GSE1: variants seen among roughly 807,000 people sequenced by gnomAD.
GSE1 encodes the protein Gse1 coiled-coil protein, also known as genetic suppressor element 1.
In GSE1, 32 loss-of-function variants were observed where a neutral mutation model predicts 112.6. The observed-to-expected ratio is 0.28, with a 90% confidence interval of 0.21 to 0.38. GSE1 has a LOEUF of 0.38. GSE1 is among the 10% of genes least tolerant of loss of function. The pLI, the probability that GSE1 is intolerant of heterozygous loss-of-function variation, is 1.00. For missense variants in GSE1, 2,348 were observed against 1,699.2 expected (o/e 1.38, Z -6.71); for synonymous variants, 1,115 against 735.6 (o/e 1.52, Z -8.35).
chr16:85,494,974 G>A (rs906925794), intron 2 of GSE1, among the ~76,000 whole-genome samples: 20 of 150,954 alleles, frequency 1.3e-4, no homozygotes, highest in Non-Finnish European at 3.0e-5. Flanking sequence ...GGGCTGTGGA[G>A]AGGTCAACCA....
intron 1 of GSE1, among the ~76,000 whole-genome samples, chr16:85,236,058 G>T (rs1904628627): frequency 6.6e-6 from 1 of 152,062 alleles, no homozygotes; most frequent in South Asian, 2.1e-4. Flanking sequence ...GGCTGGTGCC[G>T]CCCCTCCCGG....
chr16:85,426,038 G>GATGA, intron 2 of GSE1, among the ~76,000 whole-genome samples: 1 of 116,054 alleles, frequency 8.6e-6, no homozygotes. Flanking sequence ...TGGATGGATG[G>GATGA]ATGGATGGAT....
chr16:85,648,196 G>C (rs535324800), intron 2 of GSE1, among the ~76,000 whole-genome samples: 1 of 152,148 alleles, frequency 6.6e-6, no homozygotes, highest in South Asian at 2.1e-4. Context: ...TGCTACCTTC[G>C]TCTCTCACTC....
At chr16:85,446,278 G>C (rs2049509546) in intron 2 of GSE1, among the ~76,000 whole-genome samples, 1 of 152,238 alleles carries the variant, frequency 6.6e-6, no homozygotes, top group Admixed American at 6.5e-5. Context: ...TCTGGGACCA[G>C]ATGGTCTGAC....
At chr16:85,191,033 T>C (rs563163568) in intron 1 of GSE1, among the ~76,000 whole-genome samples, 43 of 152,268 alleles carry the variant, frequency 2.8e-4, no homozygotes, top group African/African-American at 7.0e-4. Context: ...TCACGGCAGG[T>C]GGATCGCTTT....
In GSE1 at chr16:85,672,738, T is replaced by A. The variant is rs770168109; in HGVS notation, c.*199T>A. On this transcript the variant is annotated 3_prime_UTR_variant, in exon 16 of 16. Transcript: ENST00000253458. Reference sequence around the variant, plus strand: ...AATGCAATTGAATCACCGTTGTCATTCAGCGAGCAACCAATGTAGGATTGC... The same window carrying A: ...AATGCAATTGAATCACCGTTGTCATACAGCGAGCAACCAATGTAGGATTGC... The A allele has an allele frequency of 4.8e-6, 2 of 418,974 alleles. No individual in the cohort carries two copies. Among genetic ancestry groups the A allele is most frequent in the Non-Finnish European group, 8.5e-6 (2 of 236,486 alleles). 26.0% of individuals were successfully genotyped at this position (418,974 alleles called of 1,614,324 possible).
intron 1 of GSE1, among the ~76,000 whole-genome samples, chr16:85,572,232 G>A (rs1004767019): frequency 5.7e-5 from 6 of 104,390 alleles, no homozygotes; most frequent in East Asian, 3.0e-4. Context: ...CATACCACAC[G>A]TACAAAACAC....
intron 1 of GSE1, among the ~76,000 whole-genome samples, chr16:85,206,275 G>GC (rs2075114819): frequency 6.6e-6 from 1 of 152,166 alleles, no homozygotes; most frequent in Non-Finnish European, 1.5e-5. Context: ...GGAAGCCCGG[G>GC]CCGGAGACCT....
At chr16:85,495,055 C>T (rs1222257294) in intron 2 of GSE1, among the ~76,000 whole-genome samples, 1 of 152,214 alleles carries the variant, frequency 6.6e-6, no homozygotes, top group Non-Finnish European at 1.5e-5. Flanking sequence ...TGGTAGCCTT[C>T]CTATGGGCTA....
At chr16:85,595,808 C>T (rs1277949995) in intron 1 of GSE1, 8 of 101,232 alleles carry the variant, frequency 7.9e-5, no homozygotes, top group Non-Finnish European at 1.8e-4. Context: ...ATTCCCCCAC[C>T]CACCCACCCA....
intron 1 of GSE1, among the ~76,000 whole-genome samples, chr16:85,580,621 TCA>T (rs766139054): frequency 5.9e-5 from 9 of 152,244 alleles, no homozygotes; most frequent in Non-Finnish European, 1.2e-4. Context: ...GGTATCCTTG[TCA>T]CAGGCTGAAT....
At chr16:85,542,845 G>T (rs1374624380) in intron 2 of GSE1, among the ~76,000 whole-genome samples, 2 of 152,216 alleles carry the variant, frequency 1.3e-5, no homozygotes, top group African/African-American at 2.4e-5. Flanking sequence ...CCCTGCAGCA[G>T]CTGCTGCAAT....
intron 1 of GSE1, among the ~76,000 whole-genome samples, chr16:85,331,701 A>ATTT (rs1567693513): frequency 1.2e-4 from 9 of 74,118 alleles, no homozygotes; most frequent in Non-Finnish European, 2.3e-4. Context: ...ATATATATAT[A>ATTT]TATATATTTT....
At chr16:85,466,012 G>A (rs941454282) in intron 2 of GSE1, among the ~76,000 whole-genome samples, 5 of 152,242 alleles carry the variant, frequency 3.3e-5, no homozygotes, top group Non-Finnish European at 4.4e-5. Context: ...GGGTGGATGA[G>A]CTCATTGGCA....
In GSE1 at chr16:85,504,991, C is replaced by T. The variant is rs549409425; in HGVS notation, c.2465-128923C>T. 6.0e-5 allele frequency among the ~76,000 whole-genome samples: 9 copies of T among 149,188 alleles called. No individual in the cohort carries two copies. The South Asian group carries it at 6.5e-4, about 11-fold the overall frequency. ...TCCTTCTGTTCCCAACCATTCTCCT[C>T]GTCAGCATCACATGTGCACACACAT... On this transcript the variant is annotated intron_variant, in intron 2 of 2. Transcript: ENST00000637419.
At chr16:85,539,763 A>G (rs900816296) in intron 2 of GSE1, among the ~76,000 whole-genome samples, 1 of 152,202 alleles carries the variant, frequency 6.6e-6, no homozygotes, top group Non-Finnish European at 1.5e-5. Context: ...CACCAGGCTC[A>G]CCCAGAACAG....
intron 1 of GSE1, among the ~76,000 whole-genome samples, chr16:85,328,694 A>G (rs1457350777): frequency 6.6e-6 from 1 of 152,070 alleles, no homozygotes; most frequent in African/African-American, 2.4e-5. Context: ...AATTGGAGAG[A>G]GACAACGGGG....
At chr16:85,180,577 C>G (rs964945330) in intron 1 of GSE1, among the ~76,000 whole-genome samples, 3 of 152,250 alleles carry the variant, frequency 2.0e-5, no homozygotes, top group African/African-American at 7.2e-5. Context: ...CCCCACGTGA[C>G]TGTCTCACTG....
At chr16:85,509,499 G>C (rs1314229601) in intron 2 of GSE1, among the ~76,000 whole-genome samples, 1 of 152,242 alleles carries the variant, frequency 6.6e-6, no homozygotes, top group African/African-American at 2.4e-5. Flanking sequence ...ATCGTCCTTG[G>C]TCACCCACCT....
Sources: gnomAD v4.1 joint callset for allele counts (sites outside exome capture counted in the v4.1 genomes callset) on GRCh38, gnomAD v4.1.1 for gene constraint, MANE v1.5 for transcripts, NCBI Gene and HGNC (gene_info 2026-07-23, HGNC 2026-07-21) for gene names.